Variants in MYOZ2 observed in about 807,000 individuals in gnomAD.
The protein encoded by MYOZ2 is myozenin 2.
A neutral mutation model predicts 25.4 loss-of-function variants in MYOZ2; 19 were observed. The ratio of observed to expected loss-of-function variants is 0.75; its 90% CI spans 0.52 to 1.10. MYOZ2 has a LOEUF of 1.10. Among genes scored for constraint, MYOZ2 ranks in the 50% least tolerant of loss-of-function variants. MYOZ2 has a pLI of 0.00. For missense variants in MYOZ2, 270 were observed against 317.9 expected, an observed-to-expected ratio of 0.85 and a Z score of 1.15; for synonymous variants, 92 against 106.9, an observed-to-expected ratio of 0.86 and a Z score of 0.86.
intron 3 of MYOZ2, among the ~76,000 whole-genome samples, chr4:119,151,879 T>C (rs759399760): frequency 1.3e-5 from 2 of 152,150 alleles, no homozygotes; most frequent in Non-Finnish European, 2.9e-5. Flanking sequence ...GCCTGAAAAC[T>C]TACCAGCTCC....
intron 4 of MYOZ2, among the ~76,000 whole-genome samples, chr4:119,159,061 A>G (rs1239339763): frequency 6.6e-6 from 1 of 152,170 alleles, no homozygotes; most frequent in Non-Finnish European, 1.5e-5. Context: ...CAAAATATCT[A>G]ATGAACCCCA....
intron 4 of MYOZ2, among the ~76,000 whole-genome samples, chr4:119,159,521 T>C (rs1181229839): frequency 6.6e-6 from 1 of 152,158 alleles, no homozygotes; most frequent in East Asian, 1.9e-4. Flanking sequence ...AATTACATTA[T>C]CTAATTAGAC....
At chr4:119,171,772 T>C (rs1741952951) in intron 5 of MYOZ2, among the ~76,000 whole-genome samples, 1 of 149,408 alleles carries the variant, frequency 6.7e-6, no homozygotes, top group Admixed American at 6.7e-5. Flanking sequence ...ACACGAAGAC[T>C]TTATTCTGAT....
intron 5 of MYOZ2, among the ~76,000 whole-genome samples, chr4:119,183,294 G>A (rs1367356072): frequency 6.6e-6 from 1 of 152,032 alleles, no homozygotes; most frequent in African/African-American, 2.4e-5. Flanking sequence ...TGGAAACTTC[G>A]GAGTGGAAAG....
At chr4:119,176,068 G>A (rs1742066358) in intron 5 of MYOZ2, among the ~76,000 whole-genome samples, 1 of 152,096 alleles carries the variant, frequency 6.6e-6, no homozygotes, top group African/African-American at 2.4e-5. Flanking sequence ...CTTATTCCAT[G>A]TTGTATTTTT....
At chr4:119,162,832 A>G (rs1274564886) in intron 4 of MYOZ2, among the ~76,000 whole-genome samples, 1 of 152,184 alleles carries the variant, frequency 6.6e-6, no homozygotes, top group Non-Finnish European at 1.5e-5. Flanking sequence ...TCTGAGAGTA[A>G]AGTGATAACA....
rs1421167002 is a variant in MYOZ2 at position 119,150,923 on chromosome 4, T to C, written c.128T>C (p.Met43Thr). The change falls in exon 3 of 6, where the codon ATG becomes ACG. Residue 43 changes from methionine (M) to threonine (T), a missense_variant. Coordinates refer to ENST00000307128, the MANE Select transcript of MYOZ2 (RefSeq NM_016599.5). ...AAGGTCAGCATCCCCAGAGACATCA[T>C]GTTGGAAGAATTATCCCATCTCAGT... ...GKKVSIPRDI[M>T]LEELSHLSNR... The C allele has an allele frequency of 2.5e-6, 4 of 1,613,898 alleles. No individual in the cohort carries two copies. The highest frequency in any genetic ancestry group is 1.7e-5 in the Admixed American group (1 of 60,012).
chr4:119,153,163 G>A (rs1741492773), intron 3 of MYOZ2, among the ~76,000 whole-genome samples: 1 of 150,662 alleles, frequency 6.6e-6, no homozygotes, highest in Non-Finnish European at 1.5e-5. Context: ...TGATCTGTGT[G>A]TTGCCCGATC....
At chr4:119,156,760 G>T (rs1411624427) in intron 3 of MYOZ2, among the ~76,000 whole-genome samples, 1 of 152,000 alleles carries the variant, frequency 6.6e-6, no homozygotes, top group Non-Finnish European at 1.5e-5. Context: ...TTTCTGCCCT[G>T]TCCAAATGTG....
intron 3 of MYOZ2, among the ~76,000 whole-genome samples, chr4:119,155,522 T>C: frequency 6.6e-6 from 1 of 152,064 alleles, no homozygotes; most frequent in East Asian, 1.9e-4. Context: ...AGAGGAAACC[T>C]AGGATTTGGT....
intron 4 of MYOZ2, among the ~76,000 whole-genome samples, chr4:119,162,199 C>T (rs1183858858): frequency 6.6e-6 from 1 of 151,876 alleles, no homozygotes; most frequent in Admixed American, 6.6e-5. Flanking sequence ...ATGAATGGAC[C>T]AAGTAGAGGG....
At chr4:119,149,737 A>G in intron 2 of MYOZ2, among the ~76,000 whole-genome samples, 1 of 152,202 alleles carries the variant, frequency 6.6e-6, no homozygotes, top group South Asian at 2.1e-4. Flanking sequence ...CTTTACAGGA[A>G]AAAACACATC....
chr4:119,156,924 T>C (rs2149223079), intron 3 of MYOZ2, among the ~76,000 whole-genome samples: 1 of 152,324 alleles, frequency 6.6e-6, no homozygotes, highest in East Asian at 1.9e-4. Context: ...ATAAACTTTA[T>C]TTCCTTCATA....
intron 5 of MYOZ2, among the ~76,000 whole-genome samples, chr4:119,176,339 G>A (rs1457596492): frequency 6.6e-6 from 1 of 151,944 alleles, no homozygotes; most frequent in Non-Finnish European, 1.5e-5. Context: ...TCCTGCTTCA[G>A]ACTCCGGAGT....
chr4:119,140,651 T>G (rs1353491042), intron 2 of MYOZ2, among the ~76,000 whole-genome samples: 1 of 152,192 alleles, frequency 6.6e-6, no homozygotes, highest in Non-Finnish European at 1.5e-5. Context: ...AAGTTGAAAT[T>G]GCAGAGTTCA....
chr4:119,164,172 G>A, intron 4 of MYOZ2, 39 bp from the exon 5 acceptor site: 1 of 1,579,842 alleles, frequency 6.3e-7, no homozygotes, highest in South Asian at 1.1e-5. Flanking sequence ...GTAACTCTCG[G>A]GCACAGTATT....
intron 4 of MYOZ2, among the ~76,000 whole-genome samples, chr4:119,162,591 A>G (rs986182925): frequency 6.6e-6 from 1 of 152,218 alleles, no homozygotes; most frequent in Non-Finnish European, 1.5e-5. Flanking sequence ...TAAGATTTGT[A>G]TGAGAGTTTG....
intron 5 of MYOZ2, among the ~76,000 whole-genome samples, chr4:119,167,971 G>A (rs538404624): frequency 6.6e-6 from 1 of 152,260 alleles, no homozygotes; most frequent in South Asian, 2.1e-4. Flanking sequence ...GGAGATTAAT[G>A]TTTTGTTTTG....
intron 5 of MYOZ2, among the ~76,000 whole-genome samples, chr4:119,182,465 T>C (rs1179243287): frequency 6.6e-6 from 1 of 151,232 alleles, no homozygotes; most frequent in Non-Finnish European, 1.5e-5. Flanking sequence ...GACACTGTAA[T>C]ACAATGGTCC....
Sources: gnomAD v4.1 joint callset for allele counts (sites outside exome capture counted in the v4.1 genomes callset) on GRCh38, gnomAD v4.1.1 for gene constraint, MANE v1.5 for transcripts, NCBI Gene and HGNC (gene_info 2026-07-23, HGNC 2026-07-21) for gene names.